The following FUT8 variants were observed in gnomAD, a reference collection of about 807,000 sequenced individuals.
The protein encoded by FUT8 is alpha-(1,6)-fucosyltransferase.
Under a neutral mutation model 71.3 loss-of-function variants are expected in FUT8, and 29 were observed. That is an observed-to-expected ratio of 0.41 (90% CI 0.30 to 0.55). The LOEUF is 0.55. Among genes scored for constraint, FUT8 ranks in the 20% least tolerant of loss-of-function variants. The pLI is 0.34. For synonymous variants in FUT8, 254 were observed against 239.3 expected, an observed-to-expected ratio of 1.06 and a Z score of -0.57; for missense variants, 544 against 702.1, an observed-to-expected ratio of 0.77 and a Z score of 2.55.
chr14:65,382,021 G>A, the FUT8 span, among the ~76,000 whole-genome samples: 90 of 152,290 alleles, frequency 5.9e-4, no homozygotes, highest in African/African-American at 2.1e-3. Flanking sequence ...TGTTCCCAGA[G>A]ATCTGTAATG....
the FUT8 span, among the ~76,000 whole-genome samples, chr14:65,365,011 T>A: frequency 6.6e-6 from 1 of 152,208 alleles, no homozygotes; most frequent in Non-Finnish European, 1.5e-5. Flanking sequence ...TTTGAAGTTT[T>A]GAGTGATCAA....
At chr14:65,448,360 A>T (rs1190906863) in intron 1 of FUT8, among the ~76,000 whole-genome samples, 1 of 152,190 alleles carries the variant, frequency 6.6e-6, no homozygotes, top group Non-Finnish European at 1.5e-5. Context: ...ACTCATGCTT[A>T]TCAGGAGGAT....
chr14:65,479,799 A>T (rs2139674365), intron 2 of FUT8: 1 of 152,310 alleles, frequency 6.6e-6, no homozygotes, highest in Non-Finnish European at 1.5e-5. Context: ...GGTAATTTTG[A>T]TTACTATGCC....
At chr14:65,733,776 C>T (rs1011504298) in intron 10 of FUT8, among the ~76,000 whole-genome samples, 39 of 152,142 alleles carry the variant, frequency 2.6e-4, no homozygotes, top group Admixed American at 1.7e-3. Flanking sequence ...TACTGAGAGG[C>T]TTAAATGCCC....
At chr14:65,425,475 T>G (rs1427631130) in intron 1 of FUT8, among the ~76,000 whole-genome samples, 3 of 151,752 alleles carry the variant, frequency 2.0e-5, no homozygotes, top group Admixed American at 6.6e-5. Flanking sequence ...GCCGTTTTTT[T>G]TTTTTTTTTT....
chr14:65,692,339 C>T (rs1433632772), intron 7 of FUT8, among the ~76,000 whole-genome samples: 4 of 144,744 alleles, frequency 2.8e-5, no homozygotes, highest in Non-Finnish European at 4.6e-5. Context: ...CCAGACGGGG[C>T]GGCTGGCCGG....
At chr14:65,359,417 G>A in the FUT8 span, among the ~76,000 whole-genome samples, 2 of 152,146 alleles carry the variant, frequency 1.3e-5, no homozygotes, top group African/African-American at 2.4e-5. Context: ...TCACGTTGTT[G>A]TGCAACCATC....
At chr14:65,591,767 T>G (rs541226993) in intron 3 of FUT8, among the ~76,000 whole-genome samples, 1 of 152,194 alleles carries the variant, frequency 6.6e-6, no homozygotes, top group African/African-American at 2.4e-5. Context: ...TGAAAATTAG[T>G]TGTTGCCTTT....
chr14:65,724,428 T>C (rs530219600), intron 9 of FUT8, 105 bp downstream of exon 9: 1 of 690,992 alleles, frequency 1.4e-6, no homozygotes, highest in East Asian at 2.9e-5. Flanking sequence ...TATTGCTAAT[T>C]ATTAGGGTTT....
chr14:65,565,726 C>T (rs1465044815), intron 3 of FUT8, among the ~76,000 whole-genome samples: 2 of 151,792 alleles, frequency 1.3e-5, no homozygotes, highest in Non-Finnish European at 2.9e-5. Context: ...AATACTATCT[C>T]ATTGAGGTTT....
Position 65,606,870 on chromosome 14 carries a change from A to C in FUT8, c.204-9108A>C, listed in dbSNP as rs537635081. ...TATTAGAATTGTATTTAATTTATAG[A>C]TCAATTTGGGAAACAACTACTTCTT... On this transcript the variant is annotated intron_variant, in intron 3 of 10. Transcript: ENST00000673929. 3.3e-5 allele frequency among the ~76,000 whole-genome samples: 5 copies of C among 152,024 alleles called. No homozygotes were observed. In the East Asian group the frequency reaches 9.6e-4, roughly 29 times the overall value.
At position 65,721,917 on chromosome 14, in the gene FUT8, G is replaced by T. The variant is rs1895436618; in HGVS notation, c.978G>T (p.Trp326Cys). ...LVRVHGDPAVWWVSQFVKYLI... is the reference protein window; with the variant it reads ...LVRVHGDPAVCWVSQFVKYLI... ...GAGTGCATGGTGACCCTGCAGTGTG[G>T]TGGGTGTCTCAGTTTGTCAAATACT... is the stretch of plus-strand genomic sequence containing the variant. The change falls in exon 8 of 11, where the codon TGG becomes TGT. Residue 326 changes from tryptophan (W) to cysteine (C), a missense_variant. Transcript: ENST00000673929. 1.2e-6 allele frequency: 2 copies of T among 1,614,016 alleles called. No individual in the cohort carries two copies. Among genetic ancestry groups the T allele is most frequent in the Non-Finnish European group, 1.7e-6 (2 of 1,180,032 alleles).
intron 2 of FUT8, among the ~76,000 whole-genome samples, chr14:65,485,408 T>C (rs2066394245): frequency 6.6e-6 from 1 of 152,202 alleles, no homozygotes; most frequent in South Asian, 2.1e-4. Context: ...GGCTTGCTTT[T>C]ATGATTTTTT....
intron 7 of FUT8, among the ~76,000 whole-genome samples, chr14:65,714,124 A>G (rs930917517): frequency 2.0e-5 from 3 of 152,256 alleles, no homozygotes; most frequent in Non-Finnish European, 2.9e-5. Context: ...TATTGAAGAG[A>G]GTTTCCTTTC....
intron 6 of FUT8, among the ~76,000 whole-genome samples, chr14:65,635,981 TG>T (rs973020946): frequency 3.3e-5 from 5 of 152,136 alleles, no homozygotes; most frequent in African/African-American, 1.2e-4. Flanking sequence ...TTTTTTTTTT[TG>T]TTGGTAACTT....
chr14:65,738,240 A>G (rs940347282), intron 10 of FUT8, among the ~76,000 whole-genome samples: 2 of 152,104 alleles, frequency 1.3e-5, no homozygotes, highest in Admixed American at 1.3e-4. Context: ...AGATTACAGG[A>G]AAAGTGCACA....
intron 2 of FUT8, among the ~76,000 whole-genome samples, chr14:65,464,278 T>TTC (rs1367423913): frequency 2.0e-5 from 3 of 151,236 alleles, no homozygotes; most frequent in Non-Finnish European, 2.9e-5. Flanking sequence ...TTTTTTTTTT[T>TTC]TACATAGATG....
the FUT8 span, among the ~76,000 whole-genome samples, chr14:65,359,067 GT>G: frequency 6.6e-6 from 1 of 151,768 alleles, no homozygotes; most frequent in Non-Finnish European, 1.5e-5. Context: ...TTTTAGAACT[GT>G]TTTTTTTCCT....
intron 3 of FUT8, among the ~76,000 whole-genome samples, chr14:65,576,027 A>G (rs907019206): frequency 2.0e-5 from 3 of 152,194 alleles, no homozygotes; most frequent in Non-Finnish European, 2.9e-5. Context: ...AATAATCACA[A>G]CTATTCAAAT....
Sources: allele counts gnomAD v4.1 joint callset (sites outside exome capture counted in the v4.1 genomes callset), GRCh38; gene constraint gnomAD v4.1.1; transcripts MANE v1.5; gene names NCBI Gene and HGNC (gene_info 2026-07-23, HGNC 2026-07-21).